Variants in NEK2 observed in about 807,000 individuals in gnomAD.
The protein encoded by NEK2 is NIMA related kinase 2.
NEK2 carries 28 observed loss-of-function variants against 54.1 expected under a neutral mutation model. That is an observed-to-expected ratio of 0.52 (90% CI 0.38 to 0.71). NEK2 has a LOEUF of 0.71. NEK2 is among the 30% of genes least tolerant of loss of function. The pLI, the probability that NEK2 is intolerant of heterozygous loss-of-function variation, is 0.00. For missense variants in NEK2, 407 were observed against 531.5 expected, an observed-to-expected ratio of 0.77 and a Z score of 2.30; for synonymous variants, 176 against 193.1, an observed-to-expected ratio of 0.91 and a Z score of 0.73.
intron 1 of NEK2, among the ~76,000 whole-genome samples, chr1:211,674,772 G>C (rs1655523796): frequency 6.6e-6 from 1 of 152,124 alleles, no homozygotes. Context: ...CCCTCAGTTG[G>C]TTAGTGGGAA....
rs1220192461 is a variant in NEK2 at position 211,663,245 on chromosome 1, A to G, written c.*181T>C. The G allele has an allele frequency of 1.5e-6, 2 of 1,359,488 alleles. No individual in the cohort carries two copies. The highest frequency in any genetic ancestry group is 3.3e-5 in the Admixed American group (1 of 30,290). The allele number at this position is 1,359,488 out of a possible 1,614,324, so 84.2% of individuals were successfully genotyped here. A position where few individuals can be genotyped will look rare whatever the true frequency, so the allele number is the denominator to read the frequency against. On this transcript the variant is annotated 3_prime_UTR_variant, in exon 8 of 8. Coordinates refer to ENST00000366999, the MANE Select transcript of NEK2 (RefSeq NM_002497.4). ...TCTTAAAAGAAGAAAGAAAAATTAAATGTGAACATTTTGTACAATAGTTGC... is the reference window on the plus strand; with the variant it reads ...TCTTAAAAGAAGAAAGAAAAATTAAGTGTGAACATTTTGTACAATAGTTGC...
chr1:211,664,965 T>C (rs1180905847), intron 7 of NEK2, among the ~76,000 whole-genome samples: 1 of 152,158 alleles, frequency 6.6e-6, no homozygotes, highest in Non-Finnish European at 1.5e-5. Context: ...AGCCCCAGAG[T>C]AGCTGGGACT....
At chr1:211,664,046 G>GT (rs1457422925) in intron 7 of NEK2, among the ~76,000 whole-genome samples, 7 of 145,254 alleles carry the variant, frequency 4.8e-5, no homozygotes, top group African/African-American at 1.5e-4. Context: ...AGAAGCAGAG[G>GT]TTTTTTTCTG....
chr1:211,662,259 G>A (rs944315688), downstream of NEK2, among the ~76,000 whole-genome samples: 7 of 152,076 alleles, frequency 4.6e-5, no homozygotes, highest in African/African-American at 1.4e-4. This position sits in a 1 kb window ranked among gnomAD's most constrained non-coding sequence, Gnocchi z 4.2. Context: ...CCTCAAATTC[G>A]GCTTTCAGGA....
intron 6 of NEK2, among the ~76,000 whole-genome samples, chr1:211,668,353 T>A (rs113242980): frequency 0.017 from 2,574 of 152,320 alleles, 78 homozygotes; most frequent in African/African-American, 0.057. Flanking sequence ...GTAGCTCTCA[T>A]CTTGGTGGAG....
downstream of NEK2, among the ~76,000 whole-genome samples, chr1:211,661,871 C>G (rs1191210738): frequency 6.6e-6 from 1 of 152,154 alleles, no homozygotes; most frequent in Admixed American, 6.5e-5. Context: ...CATGAAGGAG[C>G]AGAATTTGTA....
Position 211,675,600 on chromosome 1 carries a change from A to C in NEK2, c.-121T>G. ...AGCCCCCGAGCAGCACTGACCCGCC[A>C]CCCCTGCCTTGGGCCCCGTTTAACC... On this transcript the variant is annotated 5_prime_UTR_variant, in exon 1 of 8. Transcript: ENST00000366999. The C allele has an allele frequency of 1.4e-6, 1 of 724,628 alleles. No individual in the cohort carries two copies. Among genetic ancestry groups the C allele is most frequent in the Non-Finnish European group, 2.3e-6 (1 of 433,278 alleles). 44.9% of individuals were successfully genotyped at this position (724,628 alleles called of 1,614,324 possible).
At chr1:211,669,417 A>G in intron 5 of NEK2, 85 bp from the exon 6 acceptor site, 3 of 1,258,274 alleles carry the variant, frequency 2.4e-6, no homozygotes, top group South Asian at 1.3e-5. Context: ...AAGGACAAAA[A>G]TGTGTTTCCA....
At chr1:211,672,668 C>T (rs1485713696) in intron 3 of NEK2, among the ~76,000 whole-genome samples, 4 of 150,742 alleles carry the variant, frequency 2.7e-5, no homozygotes, top group African/African-American at 2.4e-5. Flanking sequence ...GAAATTCACT[C>T]GATGGATTTG....
intron 6 of NEK2, 102 bp downstream of exon 6, chr1:211,669,011 A>G: frequency 9.2e-7 from 1 of 1,088,504 alleles, no homozygotes; most frequent in East Asian, 2.4e-5. Context: ...AGCTTCTAAT[A>G]AGATCTGTAT....
At chr1:211,662,212 T>C (rs1400734562), downstream of NEK2, among the ~76,000 whole-genome samples, 1 of 152,176 alleles carries the variant, frequency 6.6e-6, no homozygotes, top group African/African-American at 2.4e-5. The surrounding 1 kb of genome is among the most constrained non-coding windows in gnomAD (Gnocchi z 4.2). Flanking sequence ...CATGATGCAA[T>C]TATCCTGTAT....
chr1:211,662,608 A>G (rs1217375328), downstream of NEK2, among the ~76,000 whole-genome samples: 1 of 152,200 alleles, frequency 6.6e-6, no homozygotes, highest in African/African-American at 2.4e-5. This position sits in a 1 kb window ranked among gnomAD's most constrained non-coding sequence, Gnocchi z 4.2. Context: ...GCTTACATAC[A>G]TGGATTAATG....
chr1:211,665,792 C>T (rs1655160861), intron 7 of NEK2, among the ~76,000 whole-genome samples: 2 of 152,178 alleles, frequency 1.3e-5, no homozygotes, highest in South Asian at 4.1e-4. Flanking sequence ...ATCACTTATT[C>T]ACTACAAAGT....
At chr1:211,674,270 T>C in intron 2 of NEK2, 26 bp downstream of exon 2, 1 of 1,573,012 alleles carries the variant, frequency 6.4e-7, no homozygotes, top group East Asian at 2.3e-5. Context: ...CAATTTCAGC[T>C]TACATTTTTA....
At chr1:211,671,016 TTA>T (rs1271122077) in intron 4 of NEK2, among the ~76,000 whole-genome samples, 184 bp downstream of exon 4, 1 of 152,240 alleles carries the variant, frequency 6.6e-6, no homozygotes, top group Non-Finnish European at 1.5e-5. Context: ...GCCTCATGGC[TTA>T]TAGTTTTAAT....
At chr1:211,672,367 T>G (rs941687081) in intron 3 of NEK2, among the ~76,000 whole-genome samples, 1 of 152,168 alleles carries the variant, frequency 6.6e-6, no homozygotes, top group Admixed American at 6.5e-5. Context: ...TACAAAGATA[T>G]GCAGAGCAGT....
At chr1:211,660,762 G>A (rs1655000217), downstream of NEK2, 1 of 691,146 alleles carries the variant, frequency 1.4e-6, no homozygotes, top group Non-Finnish European at 2.7e-6. Flanking sequence ...CAGTCTGATA[G>A]GAACTCTGCA....
Position 211,666,823 on chromosome 1 carries a change from G to A in NEK2, c.1111+283C>T, listed in dbSNP as rs999362703. 6 of 938,422 alleles carry A rather than the reference G, an allele frequency of 6.4e-6. No homozygotes were observed. In the Admixed American group the frequency reaches 2.0e-4, roughly 32 times the overall value. 58.1% of individuals were successfully genotyped at this position (938,422 alleles called of 1,614,324 possible). Reference sequence around the variant, plus strand: ...CAAAAAAAATAAAAAAATAAATAATGATAATAAAAATAAGTATCAATTACT... The same window carrying A: ...CAAAAAAAATAAAAAAATAAATAATAATAATAAAAATAAGTATCAATTACT... On this transcript the variant is annotated intron_variant, in intron 7 of 7. Coordinates refer to ENST00000366999, the MANE Select transcript of NEK2 (RefSeq NM_002497.4).
intron 1 of NEK2, 85 bp from the exon 2 acceptor site, chr1:211,674,598 C>T (rs1571649435): frequency 4.1e-6 from 4 of 965,862 alleles, no homozygotes; most frequent in African/African-American, 3.3e-5. Context: ...CAAATTACCT[C>T]CCTTTTAATT....
Sources: allele counts gnomAD v4.1 joint callset (sites outside exome capture counted in the v4.1 genomes callset), GRCh38; gene constraint gnomAD v4.1.1; non-coding constraint Gnocchi (gnomAD v3.1); transcripts MANE v1.5; gene names NCBI Gene and HGNC (gene_info 2026-07-23, HGNC 2026-07-21).